Variants in CADPS observed in about 807,000 individuals in gnomAD.
The protein encoded by CADPS is calcium-dependent secretion activator 1.
Under a neutral mutation model 167.3 loss-of-function variants are expected in CADPS, and 57 were observed. The ratio of observed to expected loss-of-function variants is 0.34; its 90% CI spans 0.28 to 0.42. The LOEUF (loss-of-function observed/expected upper bound fraction) is 0.42. Ranked by LOEUF, CADPS falls within the 20% of genes least tolerant of loss-of-function variation. CADPS has a pLI of 1.00. For missense variants in CADPS, 1,414 were observed against 1,738.1 expected (o/e 0.81, Z 3.32); for synonymous variants, 676 against 635.3 (o/e 1.06, Z -0.96).
chr3:62,721,023 T>C (rs1363648090), intron 3 of CADPS, among the ~76,000 whole-genome samples: 1 of 151,136 alleles, frequency 6.6e-6, no homozygotes, highest in Non-Finnish European at 1.5e-5. Flanking sequence ...TTCACTGCAT[T>C]AGCCAGGATG....
rs115272161 is a variant in CADPS at position 62,667,215 on chromosome 3, T to G, written c.889-4821A>C. On this transcript the variant is annotated intron_variant, in intron 3 of 29. Coordinates refer to ENST00000383710, the MANE Select transcript of CADPS (RefSeq NM_003716.4). ...ACCCAGTGAGGTAGGTGTTGGCACA[T>G]AGAGGTCCTATAGTTTAGCAAAGTT... 2.9e-3 allele frequency among the ~76,000 whole-genome samples: 445 copies of G among 152,252 alleles called. 3 individuals carry two copies. Among genetic ancestry groups the G allele is most frequent in the African/African-American group, 0.011 (438 of 41,560 alleles).
rs2083321438 is a variant in CADPS at position 62,874,631 on chromosome 3, A to G, written c.399T>C (p.Phe133=). Residue 133 remains phenylalanine (F), a synonymous_variant, in exon 1 of 30, where the codon TTT becomes TTC. Coordinates refer to ENST00000383710, the MANE Select transcript of CADPS (RefSeq NM_003716.4). The surrounding 1 kb of genome is among the most constrained non-coding windows in gnomAD (Gnocchi z 7.1). The part of the protein sequence containing the change: ...VFVMRCIAYP[F]NAKQPTDMAR... ...CCATGTCGGTGGGCTGCTTGGCATT[A>G]AAGGGGTAGGCGATGCAGCGCATCA... The G allele has an allele frequency of 6.4e-7, 1 of 1,560,516 alleles. No homozygotes were observed. The highest frequency in any genetic ancestry group is 1.4e-5 in the African/African-American group (1 of 73,746).
chr3:62,436,202 G>A (rs2055004363), intron 28 of CADPS, among the ~76,000 whole-genome samples: 1 of 152,036 alleles, frequency 6.6e-6, no homozygotes, highest in African/African-American at 2.4e-5. Flanking sequence ...AGGCAAGGGT[G>A]GATTATTTGT....
At chr3:62,651,975 A>C (rs1013869407) in intron 4 of CADPS, among the ~76,000 whole-genome samples, 3 of 152,096 alleles carry the variant, frequency 2.0e-5, no homozygotes, top group African/African-American at 7.2e-5. Flanking sequence ...CCTGGGGTAG[A>C]CCCAGCTTCA....
At chr3:62,744,638 T>C (rs1405540374) in intron 3 of CADPS, among the ~76,000 whole-genome samples, 1 of 152,250 alleles carries the variant, frequency 6.6e-6, no homozygotes, top group Non-Finnish European at 1.5e-5. Context: ...GAAAATATTA[T>C]TTTTGTATGT....
intron 21 of CADPS, among the ~76,000 whole-genome samples, chr3:62,483,696 G>A (rs926454101): frequency 6.6e-6 from 1 of 152,082 alleles, no homozygotes; most frequent in Non-Finnish European, 1.5e-5. Flanking sequence ...AAGGGAAAAT[G>A]GAACTTTTCC....
intron 22 of CADPS, among the ~76,000 whole-genome samples, chr3:62,479,612 G>A (rs997209205): frequency 6.6e-6 from 1 of 152,256 alleles, no homozygotes; most frequent in Non-Finnish European, 1.5e-5. Flanking sequence ...GGGAGCCTAC[G>A]GCCTGGACCA....
At chr3:62,714,345 G>C (rs1462328221) in intron 3 of CADPS, among the ~76,000 whole-genome samples, 1 of 152,092 alleles carries the variant, frequency 6.6e-6, no homozygotes, top group Non-Finnish European at 1.5e-5. Flanking sequence ...TTTTGTGACT[G>C]GGTACTGTAC....
At chr3:62,436,935 A>G (rs1182129590) in intron 28 of CADPS, among the ~76,000 whole-genome samples, 1 of 152,144 alleles carries the variant, frequency 6.6e-6, no homozygotes. Context: ...AGCATATAAA[A>G]GTCAGAAGCC....
Position 62,478,453 on chromosome 3 carries a change from C to G in CADPS, c.3174-37G>C, listed in dbSNP as rs201328643. 1.3e-6 allele frequency: 2 copies of G among 1,588,732 alleles called. No individual in the cohort carries two copies. Among genetic ancestry groups the G allele is most frequent in the East Asian group, 4.5e-5 (2 of 44,242 alleles). On this transcript the variant is annotated intron_variant, in intron 22 of 29. Coordinates refer to ENST00000383710, the MANE Select transcript of CADPS (RefSeq NM_003716.4). This position sits in a 1 kb window ranked among gnomAD's most constrained non-coding sequence, Gnocchi z 5.7. ...AAAATTAGAAAATGAGAGTCACCCA[C>G]TGGCCTCAGGCTCTACAAAAACTAA...
chr3:62,695,904 C>G (rs902669774), intron 3 of CADPS, among the ~76,000 whole-genome samples: 1 of 152,110 alleles, frequency 6.6e-6, no homozygotes, highest in African/African-American at 2.4e-5. Flanking sequence ...TCTGCAACTT[C>G]AAGTTAGTAT....
chr3:62,754,987 T>C (rs1309528066), intron 2 of CADPS, among the ~76,000 whole-genome samples: 6 of 152,220 alleles, frequency 3.9e-5, no homozygotes, highest in Admixed American at 3.9e-4. Flanking sequence ...GTGTCCTTCT[T>C]GTTCCTCACA....
chr3:62,850,923 G>T (rs1479858969), intron 1 of CADPS, among the ~76,000 whole-genome samples: 4 of 151,596 alleles, frequency 2.6e-5, no homozygotes, highest in Non-Finnish European at 5.9e-5. Context: ...CTCTTTGGAG[G>T]TCACTCAGGA....
intron 1 of CADPS, among the ~76,000 whole-genome samples, chr3:62,850,722 G>A (rs1213761018): frequency 5.3e-5 from 8 of 151,720 alleles, no homozygotes; most frequent in Non-Finnish European, 1.2e-4. Flanking sequence ...AATAGGTGTG[G>A]TGTGGTGCTG....
chr3:62,657,351 A>G (rs1418806166), intron 4 of CADPS, among the ~76,000 whole-genome samples: 2 of 152,186 alleles, frequency 1.3e-5, no homozygotes, highest in Non-Finnish European at 2.9e-5. Context: ...CTGACACTAC[A>G]AAAGCTGTAT....
rs774661931 is a variant in CADPS, at chr3:62,874,973, G to T, written c.57C>A (p.Ser19Arg). ...EESDEIVEEE[S>R]GKEVLGSAPS... is the part of the protein sequence containing the mutation. ...GGGCCGAGCCGAGCACCTCCTTGCC[G>T]CTCTCCTCCTCCACGATCTCATCCG... is the stretch of plus-strand genomic sequence containing the variant. Residue 19 changes from serine (S) to arginine (R), a missense_variant, in exon 1 of 30, where the codon AGC (serine) becomes AGA (arginine). Ser to Arg is a moderately radical substitution (Grantham distance 110). Around this residue, in one of 6 missense-constraint regions of CADPS, gnomAD observed 522 missense variants for 559.5 expected, o/e 0.93. Transcript: ENST00000383710. This position sits in a 1 kb window ranked among gnomAD's most constrained non-coding sequence, Gnocchi z 7.1. 4.4e-6 allele frequency: 7 copies of T among 1,592,546 alleles called. No individual in the cohort carries two copies. Among genetic ancestry groups the T allele is most frequent in the Middle Eastern group, 1.7e-4 (1 of 6,002 alleles).
intron 3 of CADPS, among the ~76,000 whole-genome samples, chr3:62,748,657 G>T (rs1328710193): frequency 6.6e-6 from 1 of 152,118 alleles, no homozygotes; most frequent in East Asian, 1.9e-4. Context: ...TGGAAAGCAG[G>T]TCTGTCTTAG....
chr3:62,508,075 T>C (rs2067007159), intron 17 of CADPS, among the ~76,000 whole-genome samples: 1 of 152,120 alleles, frequency 6.6e-6, no homozygotes, highest in Non-Finnish European at 1.5e-5. Context: ...AGGCTGGGCT[T>C]GAGGTAGTGT....
Position 62,645,730 on chromosome 3 carries a change from A to G in CADPS, c.1317T>C (p.Ser439=). The G allele has an allele frequency of 6.2e-7, 1 of 1,614,066 alleles. No homozygotes were observed. The highest frequency in any genetic ancestry group is 8.5e-7 in the Non-Finnish European group (1 of 1,179,944). Residue 439 remains serine, a synonymous_variant, in exon 6 of 30, where the codon TCT becomes TCC. Transcript: ENST00000383710. ...EKLQTDQAEA[S]KPTWGTQGDF... ...GGAGAAACATAACTTACGTTGGTTT[A>G]GAAGCCTCGGCCTGATCAGTCTGTA...
Sources: allele counts gnomAD v4.1 joint callset (sites outside exome capture counted in the v4.1 genomes callset), GRCh38; gene constraint gnomAD v4.1.1; regional missense constraint gnomAD v4.1.1; non-coding constraint Gnocchi (gnomAD v3.1); transcripts MANE v1.5; gene names NCBI Gene and HGNC (gene_info 2026-07-23, HGNC 2026-07-21).